TXNL1: variants seen among roughly 807,000 people sequenced by gnomAD.
TXNL1 encodes thioredoxin like 1, also known as thioredoxin-like protein 1.
TXNL1 carries 14 observed loss-of-function variants against 35.5 expected under a neutral mutation model. The ratio of observed to expected loss-of-function variants is 0.39; its 90% CI spans 0.26 to 0.62. The LOEUF is 0.62. Ranked by LOEUF, TXNL1 falls within the 20% of genes least tolerant of loss-of-function variation. The probability of loss-of-function intolerance (pLI) is 0.47; values close to 1 mark genes in which losing one functional copy is unlikely to be tolerated. For synonymous variants in TXNL1, 110 were observed against 115.5 expected, an observed-to-expected ratio of 0.95 and a Z score of 0.31; for missense variants, 263 against 349.7, an observed-to-expected ratio of 0.75 and a Z score of 1.98.
chr18:56,616,332 T>C lies in TXNL1; in HGVS notation c.493-18A>G. 6.2e-7 allele frequency: 1 copy of C among 1,611,748 alleles called. No individual in the cohort carries two copies. Among genetic ancestry groups the C allele is most frequent in the Non-Finnish European group, 8.5e-7 (1 of 1,178,448 alleles). On this transcript the variant is annotated intron_variant, in intron 4 of 7. Coordinates refer to ENST00000217515, the MANE Select transcript of TXNL1 (RefSeq NM_004786.3). ...ATAAGCAGCTGTGAAGATAAGAGTT[T>C]CATTTTAAAGGGCTCTTGTACACAC...
chr18:56,638,541 G>C lies in TXNL1; in HGVS notation c.-101C>G. On this transcript the variant is annotated 5_prime_UTR_variant, in exon 1 of 8. Transcript: ENST00000217515. ...AAGGAGAGATGCTCAGGAAGGCCGA[G>C]GCCTGGACAGAAGAGGTGGCGACCG... The C allele has an allele frequency of 8.0e-7, 1 of 1,246,376 alleles. No individual in the cohort carries two copies. 77.2% of individuals were successfully genotyped at this position (1,246,376 alleles called of 1,614,324 possible).
chr18:56,606,536 A>G (rs1394494752), intron 7 of TXNL1, among the ~76,000 whole-genome samples: 1 of 152,160 alleles, frequency 6.6e-6, no homozygotes, highest in Admixed American at 6.5e-5. Context: ...TTTCCATTCT[A>G]TCAAGGGTGC....
chr18:56,635,173 G>A (rs983358454), intron 1 of TXNL1, among the ~76,000 whole-genome samples: 25 of 152,136 alleles, frequency 1.6e-4, no homozygotes, highest in African/African-American at 6.0e-4. Context: ...TGGGAGGATT[G>A]CTTGAGGCCA....
rs1275024130 is a variant in TXNL1 at position 56,601,065 on chromosome 18, TCTTA to T, written c.*1958_*1961del. 2 of 152,174 alleles carry T rather than the reference TCTTA, an allele frequency of 1.3e-5. No homozygotes were observed. The highest frequency in any genetic ancestry group is 4.8e-5 in the African/African-American group (2 of 41,448). 9.4% of individuals were successfully genotyped at this position (152,174 alleles called of 1,614,324 possible). A position where few individuals can be genotyped will look rare whatever the true frequency, so the allele number is the denominator to read the frequency against. ...ACTAGAGTTACATTTTTTCAAATGC[TCTTA>T]TTCATCTGGAAAATTCAGTGTTATA... is the stretch of plus-strand genomic sequence containing the variant. On this transcript the variant is annotated 3_prime_UTR_variant, in exon 8 of 8. Transcript: ENST00000217515.
At chr18:56,637,813 T>C (rs2144347873) in intron 1 of TXNL1, among the ~76,000 whole-genome samples, 1 of 152,344 alleles carries the variant, frequency 6.6e-6, no homozygotes, top group African/African-American at 2.4e-5. Flanking sequence ...AACCCAACGT[T>C]AACTTAGTTC....
intron 6 of TXNL1, among the ~76,000 whole-genome samples, chr18:56,612,301 T>G (rs1468104665): frequency 6.6e-6 from 1 of 152,100 alleles, no homozygotes; most frequent in Admixed American, 6.6e-5. Context: ...CTTTCTGATA[T>G]TCCTGTATCC....
chr18:56,620,180 G>C (rs868561370), intron 3 of TXNL1, among the ~76,000 whole-genome samples: 1 of 151,954 alleles, frequency 6.6e-6, no homozygotes, highest in African/African-American at 2.4e-5. Flanking sequence ...TGGCCAGGCT[G>C]GTCTCCAACT....
intron 6 of TXNL1, among the ~76,000 whole-genome samples, chr18:56,613,855 T>G (rs1031969056): frequency 5.9e-5 from 9 of 151,924 alleles, no homozygotes; most frequent in Non-Finnish European, 1.3e-4. Context: ...TCTTATAAAA[T>G]GTAGTATTAT....
At chr18:56,632,195 C>T (rs1194051740) in intron 1 of TXNL1, among the ~76,000 whole-genome samples, 1 of 152,176 alleles carries the variant, frequency 6.6e-6, no homozygotes, top group African/African-American at 2.4e-5. Context: ...AACTGTCCTT[C>T]CCTTCAAGAT....
intron 5 of TXNL1, among the ~76,000 whole-genome samples, chr18:56,614,987 A>G (rs2024060273): frequency 6.6e-6 from 1 of 152,228 alleles, no homozygotes; most frequent in Non-Finnish European, 1.5e-5. Context: ...AAAGTTTCAT[A>G]AAAGAAATAG....
intron 7 of TXNL1, among the ~76,000 whole-genome samples, chr18:56,607,398 C>T (rs1009439615): frequency 1.3e-5 from 2 of 151,412 alleles, no homozygotes; most frequent in Non-Finnish European, 2.9e-5. Flanking sequence ...TTTAAGTGAT[C>T]TTCTAGCCTT....
At chr18:56,610,727 C>T (rs1402448569) in intron 7 of TXNL1, 1 of 200,080 alleles carries the variant, frequency 5.0e-6, no homozygotes, top group Non-Finnish European at 1.0e-5. Context: ...TATAACCAAG[C>T]CATTATTTTT....
chr18:56,638,433 C>A lies in TXNL1; in HGVS notation c.8G>T (p.Gly3Val). ...CGGGTCGCTCCCGACGGGCTTCACCCCCACCATCCTCACAGAGAGCCCGGC... is the reference window on the plus strand; with the variant it reads ...CGGGTCGCTCCCGACGGGCTTCACCACCACCATCCTCACAGAGAGCCCGGC... MV[G>V]VKPVGSDPDF... Residue 3 changes from glycine (G) to valine (V), a missense_variant, in exon 1 of 8, where the codon GGG becomes GTG. Physicochemically the swap from Gly to Val is moderately radical, Grantham distance 109. Transcript: ENST00000217515. 2 of 1,612,842 alleles carry A rather than the reference C, an allele frequency of 1.2e-6. No homozygotes were observed. The highest frequency in any genetic ancestry group is 8.5e-7 in the Non-Finnish European group (1 of 1,179,280).
chr18:56,610,897 A>T (rs2023979146), intron 7 of TXNL1, 96 bp downstream of exon 7: 2 of 792,832 alleles, frequency 2.5e-6, no homozygotes, highest in Admixed American at 7.2e-5. Flanking sequence ...ATTTTGAATT[A>T]TTTTGTTAAA....
chr18:56,622,257 A>C (rs2024200977), intron 3 of TXNL1, among the ~76,000 whole-genome samples: 1 of 152,152 alleles, frequency 6.6e-6, no homozygotes, highest in Non-Finnish European at 1.5e-5. Context: ...ATGACAGAAA[A>C]AAAAGGCAGA....
chr18:56,599,734 T>C lies in TXNL1; in HGVS notation c.*3293A>G, dbSNP rs688992. 1 of 152,032 alleles carries C rather than the reference T, an allele frequency of 6.6e-6. No homozygotes were observed. Among genetic ancestry groups the C allele is most frequent in the African/African-American group, 2.4e-5 (1 of 41,364 alleles). 9.4% of individuals were successfully genotyped at this position (152,032 alleles called of 1,614,324 possible). On this transcript the variant is annotated 3_prime_UTR_variant, in exon 8 of 8. Coordinates refer to ENST00000217515, the MANE Select transcript of TXNL1 (RefSeq NM_004786.3). ...CACCATGCCTGGCTAATTTTTTGTA[T>C]TTTTAGTAGAGACAGGGTTTCTCCA...
intron 6 of TXNL1, among the ~76,000 whole-genome samples, chr18:56,611,920 C>T (rs1598913986): frequency 6.7e-6 from 1 of 150,262 alleles, no homozygotes; most frequent in South Asian, 2.1e-4. Flanking sequence ...GCCATCTCAG[C>T]TCACTGCAAC....
At chr18:56,607,562 G>C (rs1053510298) in intron 7 of TXNL1, among the ~76,000 whole-genome samples, 6 of 152,002 alleles carry the variant, frequency 3.9e-5, no homozygotes, top group African/African-American at 1.4e-4. Context: ...AATATATCCC[G>C]ATTAAACCCA....
intron 7 of TXNL1, among the ~76,000 whole-genome samples, chr18:56,603,889 TTC>T (rs2023847208): frequency 6.6e-6 from 1 of 152,186 alleles, no homozygotes. Flanking sequence ...GTAGAAAGAT[TTC>T]TGTGTACATT....
Sources: allele counts gnomAD v4.1 joint callset (sites outside exome capture counted in the v4.1 genomes callset), GRCh38; gene constraint gnomAD v4.1.1; transcripts MANE v1.5; gene names NCBI Gene and HGNC (gene_info 2026-07-23, HGNC 2026-07-21).